HCRTR2: variants seen among roughly 807,000 people sequenced by gnomAD.
HCRTR2 encodes orexin receptor type 2.
HCRTR2 carries 22 observed loss-of-function variants against 49.0 expected under a neutral mutation model. The observed-to-expected ratio is 0.45, with a 90% confidence interval of 0.32 to 0.64. The LOEUF is 0.64. Among genes scored for constraint, HCRTR2 ranks in the 30% least tolerant of loss-of-function variants. HCRTR2 has a pLI of 0.04. For missense variants in HCRTR2, 491 were observed against 559.4 expected (o/e 0.88, Z 1.23); for synonymous variants, 236 against 205.3 (o/e 1.15, Z -1.28).
intron 1 of HCRTR2, among the ~76,000 whole-genome samples, chr6:55,168,555 G>A (rs1581804462): frequency 1.3e-5 from 2 of 151,994 alleles, no homozygotes; most frequent in Non-Finnish European, 2.9e-5. Flanking sequence ...TTCTTCATTT[G>A]TAAAATTGGA....
chr6:55,207,475 G>A (rs3134704), intron 1 of HCRTR2, among the ~76,000 whole-genome samples: 121,726 of 152,026 alleles, frequency 0.8, 49,101 homozygotes, highest in African/African-American at 0.88. Flanking sequence ...TTTATTTTAA[G>A]CCTCACCATT....
chr6:55,200,323 G>A (rs1765491548), intron 1 of HCRTR2, among the ~76,000 whole-genome samples: 2 of 149,118 alleles, frequency 1.3e-5, no homozygotes, highest in South Asian at 4.3e-4. Flanking sequence ...GGAGTGCAAT[G>A]GTGGGATCTT....
At chr6:55,192,962 G>A (rs530271454) in intron 1 of HCRTR2, among the ~76,000 whole-genome samples, 16 of 152,174 alleles carry the variant, frequency 1.1e-4, no homozygotes, top group Non-Finnish European at 1.8e-4. Flanking sequence ...GAAGCTCAGC[G>A]ATAACCATTT....
chr6:55,141,571 G>A (rs1436946065), intron 1 of HCRTR2, among the ~76,000 whole-genome samples: 1 of 152,038 alleles, frequency 6.6e-6, no homozygotes, highest in African/African-American at 2.4e-5. Flanking sequence ...CATTACTTTT[G>A]TAAAATATTA....
intron 1 of HCRTR2, among the ~76,000 whole-genome samples, chr6:55,235,028 C>A (rs1766188193): frequency 1.3e-5 from 2 of 152,070 alleles, no homozygotes; most frequent in South Asian, 2.1e-4. Flanking sequence ...AAACATACAA[C>A]CTGGATCTTA....
At chr6:55,199,921 T>C (rs1183162351) in intron 1 of HCRTR2, among the ~76,000 whole-genome samples, 2 of 152,330 alleles carry the variant, frequency 1.3e-5, no homozygotes, top group South Asian at 4.1e-4. Context: ...GCCCAGTACC[T>C]GAATGAATAT....
At chr6:55,245,475 A>ATATATATATATATATATATC in intron 1 of HCRTR2, among the ~76,000 whole-genome samples, 1 of 63,232 alleles carries the variant, frequency 1.6e-5, no homozygotes, top group South Asian at 4.2e-4. Flanking sequence ...GATTTTATAT[A>ATATATATATATATATATATC]TATATATATA....
intron 1 of HCRTR2, among the ~76,000 whole-genome samples, chr6:55,239,136 G>A (rs1439987038): frequency 2.0e-5 from 3 of 152,180 alleles, no homozygotes; most frequent in African/African-American, 7.2e-5. Flanking sequence ...TTTTCCTGGA[G>A]TGAAACTGTA....
At chr6:55,207,592 A>T (rs1765623311) in intron 1 of HCRTR2, among the ~76,000 whole-genome samples, 1 of 152,152 alleles carries the variant, frequency 6.6e-6, no homozygotes, top group South Asian at 2.1e-4. Flanking sequence ...AACAATGGGG[A>T]GAAAATTATA....
chr6:55,127,109 T>G (rs1022037764), intron 1 of HCRTR2, among the ~76,000 whole-genome samples: 2 of 151,966 alleles, frequency 1.3e-5, no homozygotes, highest in Non-Finnish European at 2.9e-5. Flanking sequence ...CAGGCGCCAC[T>G]GGGGTATGGG....
intron 3 of HCRTR2, among the ~76,000 whole-genome samples, 190 bp from the exon 4 acceptor site, chr6:55,263,517 T>C (rs1004615225): frequency 6.6e-6 from 1 of 152,150 alleles, no homozygotes; most frequent in African/African-American, 2.4e-5. Context: ...ATTTGGCATG[T>C]GTATACCCAT....
intron 1 of HCRTR2, chr6:55,240,771 G>A (rs771440509): frequency 4.0e-5 from 17 of 425,730 alleles, no homozygotes; most frequent in African/African-American, 3.5e-4. Context: ...TAATGATTTT[G>A]GATGACTGCA....
chr6:55,133,384 CA>C (rs139467671), intron 1 of HCRTR2, among the ~76,000 whole-genome samples: 5 of 136,488 alleles, frequency 3.7e-5, no homozygotes, highest in Non-Finnish European at 8.0e-5. Context: ...TACACACACA[CA>C]AAAAAACACA....
intron 4 of HCRTR2, among the ~76,000 whole-genome samples, chr6:55,270,501 T>G (rs1258118764): frequency 6.6e-6 from 1 of 152,140 alleles, no homozygotes; most frequent in Non-Finnish European, 1.5e-5. Flanking sequence ...AGGTTAAGCA[T>G]CTCTAATCCC....
At chr6:55,168,525 T>G (rs1764907558) in intron 1 of HCRTR2, among the ~76,000 whole-genome samples, 1 of 152,168 alleles carries the variant, frequency 6.6e-6, no homozygotes. Context: ...GTAAGTTACT[T>G]AACTTCTTTG....
intron 1 of HCRTR2, among the ~76,000 whole-genome samples, chr6:55,208,266 G>C (rs1038229340): frequency 6.6e-6 from 1 of 151,298 alleles, no homozygotes; most frequent in Non-Finnish European, 1.5e-5. Context: ...CTTGAGGTCA[G>C]GAGTTTCAGA....
At chr6:55,144,271 T>A (rs1190996215) in intron 1 of HCRTR2, among the ~76,000 whole-genome samples, 1 of 151,762 alleles carries the variant, frequency 6.6e-6, no homozygotes, top group African/African-American at 2.4e-5. Flanking sequence ...CGCCACCACG[T>A]CTGGCTAATT....
chr6:55,281,511 C>A (rs1226530644), intron 6 of HCRTR2, among the ~76,000 whole-genome samples: 2 of 152,088 alleles, frequency 1.3e-5, no homozygotes, highest in African/African-American at 2.4e-5. Context: ...TTGTGCTGGG[C>A]CCGTGAACAT....
intron 1 of HCRTR2, among the ~76,000 whole-genome samples, chr6:55,217,165 C>T (rs1246343039): frequency 1.2e-4 from 18 of 152,158 alleles, no homozygotes. Flanking sequence ...TCCCCTGAAA[C>T]TATTCTACCC....
Sources: gnomAD v4.1 joint callset for allele counts (sites outside exome capture counted in the v4.1 genomes callset) on GRCh38, gnomAD v4.1.1 for gene constraint, MANE v1.5 for transcripts, NCBI Gene and HGNC (gene_info 2026-07-23, HGNC 2026-07-21) for gene names.